GNAQ: variants seen among roughly 807,000 people sequenced by gnomAD.
GNAQ encodes G protein subunit alpha q.
A neutral mutation model predicts 43.9 loss-of-function variants in GNAQ; 8 were observed. The ratio of observed to expected loss-of-function variants is 0.18; its 90% CI spans 0.11 to 0.33. The LOEUF is 0.33. Ranked by LOEUF, GNAQ falls within the 10% of genes least tolerant of loss-of-function variation. The probability of loss-of-function intolerance (pLI) is 1.00; values close to 1 mark genes in which losing one functional copy is unlikely to be tolerated. For synonymous variants in GNAQ, 155 were observed against 170.7 expected, an observed-to-expected ratio of 0.91 and a Z score of 0.71; for missense variants, 158 against 450.8, an observed-to-expected ratio of 0.35 and a Z score of 5.88.
At chr9:77,967,523 G>A (rs1823183356) in intron 1 of GNAQ, among the ~76,000 whole-genome samples, 1 of 152,054 alleles carries the variant, frequency 6.6e-6, no homozygotes, top group South Asian at 2.1e-4. Flanking sequence ...CTACAACATG[G>A]ATAACCCTTA....
intron 2 of GNAQ, among the ~76,000 whole-genome samples, chr9:77,864,273 C>T (rs1350866795): frequency 6.6e-6 from 1 of 151,894 alleles, no homozygotes; most frequent in East Asian, 1.9e-4. Flanking sequence ...GGGATCTGCT[C>T]CCATGACCCA....
At chr9:77,761,338 C>A (rs1439626316) in intron 5 of GNAQ, among the ~76,000 whole-genome samples, 1 of 129,460 alleles carries the variant, frequency 7.7e-6, no homozygotes, top group Non-Finnish European at 1.7e-5. Flanking sequence ...GTCAGCCCCC[C>A]GCCCGGCCAG....
At chr9:77,764,207 T>C (rs1324925885) in intron 5 of GNAQ, among the ~76,000 whole-genome samples, 2 of 152,326 alleles carry the variant, frequency 1.3e-5, no homozygotes, top group Non-Finnish European at 2.9e-5. Context: ...AATTTCTATA[T>C]GATACTATGA....
intron 2 of GNAQ, among the ~76,000 whole-genome samples, chr9:77,845,177 C>G (rs1405768530): frequency 1.3e-5 from 2 of 151,970 alleles, no homozygotes; most frequent in African/African-American, 4.8e-5. Context: ...TTGCAGGGGT[C>G]CTTGGCACTA....
intron 1 of GNAQ, among the ~76,000 whole-genome samples, chr9:77,933,360 C>T (rs1013743289): frequency 7.2e-5 from 11 of 152,174 alleles, no homozygotes; most frequent in African/African-American, 2.7e-4. Flanking sequence ...CACACACACA[C>T]ACATTTATAA....
intron 3 of GNAQ, among the ~76,000 whole-genome samples, chr9:77,805,482 G>A (rs1826814635): frequency 6.6e-6 from 1 of 151,700 alleles, no homozygotes; most frequent in Non-Finnish European, 1.5e-5. Context: ...TTGGCTCACT[G>A]CAACCTCTGC....
chr9:77,905,601 T>G (rs1353233830), intron 2 of GNAQ, among the ~76,000 whole-genome samples: 1 of 152,224 alleles, frequency 6.6e-6, no homozygotes, highest in African/African-American at 2.4e-5. Context: ...ACATGGGGCA[T>G]AAACTTGCTT....
chr9:77,851,293 G>C (rs1564130047), intron 2 of GNAQ, among the ~76,000 whole-genome samples: 1 of 152,122 alleles, frequency 6.6e-6, no homozygotes, highest in Non-Finnish European at 1.5e-5. Flanking sequence ...AAAAGTTTTT[G>C]TGATAAACCT....
chr9:77,943,243 G>T (rs188379573), intron 1 of GNAQ, among the ~76,000 whole-genome samples: 2 of 152,178 alleles, frequency 1.3e-5, no homozygotes, highest in African/African-American at 4.8e-5. Context: ...TTTGGTTCCT[G>T]AGTCAAATTT....
At chr9:77,866,113 T>C (rs541963188) in intron 2 of GNAQ, among the ~76,000 whole-genome samples, 1 of 151,618 alleles carries the variant, frequency 6.6e-6, no homozygotes, top group East Asian at 1.9e-4. Flanking sequence ...GAAGCAACCA[T>C]ACTTGATGAA....
At chr9:77,933,094 G>A (rs1042295436) in intron 1 of GNAQ, among the ~76,000 whole-genome samples, 6 of 152,100 alleles carry the variant, frequency 3.9e-5, no homozygotes, top group African/African-American at 9.7e-5. Context: ...AAGCACTCTC[G>A]TACACCTAGA....
chr9:77,719,400 CTGTT>C lies in GNAQ; in HGVS notation c.*1919_*1922del, dbSNP rs1196081380. Reference sequence around the variant, plus strand: ...TAATTGCACTATACCTACAGGCAGTCTGTTTGTTAAATTACAGGTACTTTCTGAG... The same window carrying C: ...TAATTGCACTATACCTACAGGCAGTCTGTTAAATTACAGGTACTTTCTGAG... On this transcript the variant is annotated 3_prime_UTR_variant, in exon 7 of 7. Transcript: ENST00000286548. The C allele has an allele frequency of 4.3e-6, 1 of 232,436 alleles. No individual in the cohort carries two copies. Among genetic ancestry groups the C allele is most frequent in the Non-Finnish European group, 8.5e-6 (1 of 117,670 alleles). The allele number at this position is 232,436 out of a possible 1,614,324, so 14.4% of individuals were successfully genotyped here. A position where few individuals can be genotyped will look rare whatever the true frequency, so the allele number is the denominator to read the frequency against.
At position 77,870,791 on chromosome 9, in the gene GNAQ, A is replaced by C. The variant is rs576878954; in HGVS notation, c.321+51370T>G. On this transcript the variant is annotated intron_variant, in intron 2 of 6. Transcript: ENST00000286548. ...AATAAAATACTACTAACCAATAAAAAAGGAAAATAAACTGGTACAAGCACA... is the reference window on the plus strand; with the variant it reads ...AATAAAATACTACTAACCAATAAAACAGGAAAATAAACTGGTACAAGCACA... Among the ~76,000 whole-genome samples, 12 of 152,322 alleles carry C rather than the reference A, an allele frequency of 7.9e-5. No homozygotes were observed. In the South Asian group the frequency reaches 2.5e-3, roughly 32 times the overall value.
chr9:77,982,483 G>A (rs986677742), intron 1 of GNAQ, among the ~76,000 whole-genome samples: 2 of 152,094 alleles, frequency 1.3e-5, no homozygotes, highest in African/African-American at 2.4e-5. Flanking sequence ...ACCTTTTCAT[G>A]GGGTTATGAG....
intron 1 of GNAQ, among the ~76,000 whole-genome samples, chr9:77,931,822 G>C (rs1290539304): frequency 2.6e-5 from 4 of 152,088 alleles, no homozygotes; most frequent in African/African-American, 9.7e-5. Flanking sequence ...GCTCTGCTCT[G>C]AGTTTTCAAT....
At chr9:77,891,548 T>C (rs1419416305) in intron 2 of GNAQ, among the ~76,000 whole-genome samples, 1 of 152,248 alleles carries the variant, frequency 6.6e-6, no homozygotes, top group African/African-American at 2.4e-5. Context: ...TCTGTCTTTA[T>C]ATGAATGTAT....
At chr9:78,024,087 C>T (rs1481883495) in intron 1 of GNAQ, among the ~76,000 whole-genome samples, 1 of 152,150 alleles carries the variant, frequency 6.6e-6, no homozygotes, top group Admixed American at 6.5e-5. Flanking sequence ...AATAAAGGTG[C>T]ACAGATTGTC....
At chr9:77,761,908 G>GC (rs1350876271) in intron 5 of GNAQ, among the ~76,000 whole-genome samples, 6 of 119,184 alleles carry the variant, frequency 5.0e-5, no homozygotes, top group Non-Finnish European at 3.6e-5. Flanking sequence ...TGGGGGGTCA[G>GC]CCCCCCGCCC....
intron 1 of GNAQ, among the ~76,000 whole-genome samples, chr9:77,957,752 G>A: frequency 6.6e-6 from 1 of 152,134 alleles, no homozygotes; most frequent in East Asian, 1.9e-4. Flanking sequence ...GGAGAAACAG[G>A]CCATTCTGCA....
Sources: allele counts gnomAD v4.1 joint callset (sites outside exome capture counted in the v4.1 genomes callset), GRCh38; gene constraint gnomAD v4.1.1; transcripts MANE v1.5; gene names NCBI Gene and HGNC (gene_info 2026-07-23, HGNC 2026-07-21).